SYNPO2: variants seen among roughly 807,000 people sequenced by gnomAD.
SYNPO2 encodes the protein synaptopodin 2, also known as synaptopodin-2.
Under a neutral mutation model 85.0 loss-of-function variants are expected in SYNPO2, and 56 were observed. The ratio of observed to expected loss-of-function variants is 0.66; its 90% CI spans 0.53 to 0.82. SYNPO2 has a LOEUF of 0.82. SYNPO2 is among the 40% of genes least tolerant of loss of function. The pLI, the probability that SYNPO2 is intolerant of heterozygous loss-of-function variation, is 0.00. For missense variants in SYNPO2, 1,575 were observed against 1,534.2 expected (o/e 1.03, Z -0.44); for synonymous variants, 602 against 591.1 (o/e 1.02, Z -0.27).
intron 1 of SYNPO2, among the ~76,000 whole-genome samples, chr4:118,852,519 C>A (rs1403298050): frequency 2.6e-5 from 4 of 152,150 alleles, no homozygotes; most frequent in Non-Finnish European, 4.4e-5. Flanking sequence ...TACATATACA[C>A]CATGGAATAC....
At chr4:118,988,795 C>T (rs1736310632) in intron 1 of SYNPO2, among the ~76,000 whole-genome samples, 1 of 152,126 alleles carries the variant, frequency 6.6e-6, no homozygotes, top group South Asian at 2.1e-4. Context: ...ACAGTGCCGG[C>T]ATCTCTGCGA....
intron 1 of SYNPO2, among the ~76,000 whole-genome samples, chr4:119,014,307 G>A (rs555276598): frequency 6.6e-6 from 1 of 152,240 alleles, no homozygotes; most frequent in African/African-American, 2.4e-5. Flanking sequence ...CCAGCTACTC[G>A]GGAGGCTGAG....
rs572292389 is a variant in SYNPO2 at position 118,862,611 on chromosome 4, G to T, written c.12+11671G>T. On this transcript the variant is annotated intron_variant, in intron 1 of 4. Transcript: ENST00000610556. ...TATTATTTTTATCCTTCATTCTGCTGATATGATATACTGCATTGATTGATT... is the reference window on the plus strand; with the variant it reads ...TATTATTTTTATCCTTCATTCTGCTTATATGATATACTGCATTGATTGATT... Among the ~76,000 whole-genome samples the T allele has an allele frequency of 6.0e-4, 91 of 152,250 alleles. 1 individual carries two copies. In the South Asian group the frequency reaches 0.016, roughly 27 times the overall value.
chr4:119,014,151 G>A (rs190369385), intron 1 of SYNPO2, among the ~76,000 whole-genome samples: 207 of 152,254 alleles, frequency 1.4e-3, no homozygotes, highest in Admixed American at 4.2e-3. Flanking sequence ...GACCAGACAC[G>A]GTGGCTCACA....
chr4:119,037,312 A>G, intron 4 of SYNPO2: 2 of 1,295,106 alleles, frequency 1.5e-6, no homozygotes, highest in South Asian at 2.7e-5. Context: ...AAATTTTTAA[A>G]TCAAAAGATT....
chr4:119,052,417 G>T (rs1739082302), intron 4 of SYNPO2, among the ~76,000 whole-genome samples: 1 of 152,180 alleles, frequency 6.6e-6, no homozygotes, highest in South Asian at 2.1e-4. Flanking sequence ...GAGGTAAGAT[G>T]TCCCCAGTGA....
intron 1 of SYNPO2, among the ~76,000 whole-genome samples, chr4:118,878,965 A>G (rs1264416978): frequency 1.3e-5 from 2 of 152,054 alleles, no homozygotes; most frequent in African/African-American, 4.8e-5. Context: ...GAGCTGTAAC[A>G]CTCACTGCGA....
intron 1 of SYNPO2, among the ~76,000 whole-genome samples, chr4:119,016,142 C>G (rs1218157893): frequency 6.6e-6 from 1 of 152,118 alleles, no homozygotes; most frequent in Non-Finnish European, 1.5e-5. Context: ...CTTGTAAGTT[C>G]TTTAGGTAAC....
At chr4:119,008,861 T>C (rs1377084504) in intron 1 of SYNPO2, among the ~76,000 whole-genome samples, 2 of 152,178 alleles carry the variant, frequency 1.3e-5, no homozygotes, top group East Asian at 3.8e-4. Context: ...TGCCATATTA[T>C]TTACAACTAA....
intron 3 of SYNPO2, among the ~76,000 whole-genome samples, chr4:119,029,423 A>G (rs1738117336): frequency 6.6e-6 from 1 of 152,140 alleles, no homozygotes; most frequent in South Asian, 2.1e-4. Flanking sequence ...ACAGTTTTAT[A>G]TTGACACTTT....
chr4:118,966,453 C>A (rs566539270), intron 1 of SYNPO2, among the ~76,000 whole-genome samples: 101 of 152,212 alleles, frequency 6.6e-4, no homozygotes, highest in Non-Finnish European at 1.3e-3. Context: ...ACAGCTCCCC[C>A]ACTTACCCTT....
chr4:118,887,166 A>AGTGTGTGTGTGTGT (rs71595329), upstream of SYNPO2, among the ~76,000 whole-genome samples: 658 of 139,130 alleles, frequency 4.7e-3, 4 homozygotes, highest in African/African-American at 0.017. Context: ...CATCTGAGTG[A>AGTGTGTGTGTGTGT]GTGTGTGTGT....
At chr4:118,992,643 T>C (rs1736456112) in intron 1 of SYNPO2, among the ~76,000 whole-genome samples, 2 of 152,304 alleles carry the variant, frequency 1.3e-5, no homozygotes, top group South Asian at 4.1e-4. Flanking sequence ...CCTGCTGTTA[T>C]AGGCAGTAAG....
In SYNPO2 at chr4:118,908,617, G is replaced by T. The variant is rs538652482; in HGVS notation, c.105+19476G>T. ...TTGCAGCTTTTCATGGAATTATCAA[G>T]ACAGGATAAATCAAATAAAAAAATC... On this transcript the variant is annotated intron_variant, in intron 1 of 4. Coordinates refer to ENST00000307142, the MANE Select transcript of SYNPO2 (RefSeq NM_133477.3). Among the ~76,000 whole-genome samples, 13 of 152,204 alleles carry T rather than the reference G, an allele frequency of 8.5e-5. No homozygotes were observed. The East Asian group carries it at 2.5e-3, about 29-fold the overall frequency.
intron 1 of SYNPO2, among the ~76,000 whole-genome samples, chr4:118,958,630 ACT>A (rs1734964474): frequency 6.6e-6 from 1 of 151,960 alleles, no homozygotes; most frequent in East Asian, 1.9e-4. Context: ...ATCCTGAGTA[ACT>A]CTGCGTTGCA....
At chr4:118,955,870 A>T (rs1734858186) in intron 1 of SYNPO2, among the ~76,000 whole-genome samples, 1 of 152,190 alleles carries the variant, frequency 6.6e-6, no homozygotes, top group Non-Finnish European at 1.5e-5. Context: ...AGTGCAAGAG[A>T]AATAAAGGAT....
chr4:119,023,949 TAAA>T (rs1737836950), intron 2 of SYNPO2, among the ~76,000 whole-genome samples: 1 of 152,202 alleles, frequency 6.6e-6, no homozygotes, highest in African/African-American at 2.4e-5. Context: ...ACAGATGAAT[TAAA>T]AATGTTTAAA....
At position 119,030,907 on chromosome 4, in the gene SYNPO2, T is replaced by C; in HGVS notation, c.2132T>C (p.Leu711Ser). Residue 711 changes from leucine to serine, a missense_variant, in exon 4 of 5, where the codon TTG becomes TCG. Physicochemically the swap from Leu to Ser is moderately radical, Grantham distance 145 (BLOSUM62 -2). Coordinates refer to ENST00000307142, the MANE Select transcript of SYNPO2 (RefSeq NM_133477.3). ...AAAGTAAGCCCAAATCCTGAACTCTTGTCACTCCTTCAAAATTCAGAAGGC... is the reference window on the plus strand; with the variant it reads ...AAAGTAAGCCCAAATCCTGAACTCTCGTCACTCCTTCAAAATTCAGAAGGC... The part of the protein sequence containing the change: ...EPKVSPNPEL[L>S]SLLQNSEGKR... 1 of 1,614,174 alleles carries C rather than the reference T, an allele frequency of 6.2e-7. No individual in the cohort carries two copies. The highest frequency in any genetic ancestry group is 8.5e-7 in the Non-Finnish European group (1 of 1,180,022).
At chr4:119,004,980 A>G (rs1410949529) in intron 1 of SYNPO2, among the ~76,000 whole-genome samples, 12 of 152,070 alleles carry the variant, frequency 7.9e-5, no homozygotes, top group Non-Finnish European at 1.6e-4. Flanking sequence ...ATGGCCAGTG[A>G]TGATGAGCAT....
Sources: allele counts gnomAD v4.1 joint callset (sites outside exome capture counted in the v4.1 genomes callset), GRCh38; gene constraint gnomAD v4.1.1; transcripts MANE v1.5; gene names NCBI Gene and HGNC (gene_info 2026-07-23, HGNC 2026-07-21).